IGSF10: variants seen among roughly 807,000 people sequenced by gnomAD.
IGSF10 encodes the protein immunoglobulin superfamily member 10.
A neutral mutation model predicts 128.2 loss-of-function variants in IGSF10; 126 were observed. The observed-to-expected ratio is 0.98, with a 90% CI of 0.85 to 1.14. The LOEUF is 1.14. Among genes scored for constraint, IGSF10 ranks in the 50% most tolerant of loss-of-function variants. The pLI is 0.00. For synonymous variants in IGSF10, 1,185 were observed against 1,146.2 expected, an observed-to-expected ratio of 1.03 and a Z score of -0.68; for missense variants, 3,295 against 3,149.8, an observed-to-expected ratio of 1.05 and a Z score of -1.10.
At chr3:151,616,756 A>G in the IGSF10 span, among the ~76,000 whole-genome samples, 2 of 152,246 alleles carry the variant, frequency 1.3e-5, no homozygotes. Context: ...GCATCTATGT[A>G]TCATCTATAG....
the IGSF10 span, among the ~76,000 whole-genome samples, chr3:151,485,674 A>G: frequency 3.9e-5 from 6 of 152,350 alleles, no homozygotes; most frequent in Middle Eastern, 3.4e-3. Context: ...AGAATTTTCA[A>G]CCCAGAATTT....
At chr3:151,500,422 TA>T in the IGSF10 span, among the ~76,000 whole-genome samples, 1 of 152,168 alleles carries the variant, frequency 6.6e-6, no homozygotes, top group African/African-American at 2.4e-5. Context: ...GGGGATATCT[TA>T]ATTTTATTTT....
chr3:151,460,913 C>A (rs1174317308), intron 1 of IGSF10, 33 bp downstream of exon 1: 15 of 985,148 alleles, frequency 1.5e-5, no homozygotes, highest in Non-Finnish European at 1.4e-5. Context: ...GGGTTCCAGC[C>A]CTTTCCGGGG....
At chr3:151,494,930 G>T in the IGSF10 span, among the ~76,000 whole-genome samples, 100 of 152,136 alleles carry the variant, frequency 6.6e-4, no homozygotes, top group African/African-American at 1.9e-3. Flanking sequence ...TCTGGGAAAG[G>T]CTTATTACTT....
chr3:151,516,434 T>A, the IGSF10 span, among the ~76,000 whole-genome samples: 1 of 152,060 alleles, frequency 6.6e-6, no homozygotes, highest in Non-Finnish European at 1.5e-5. Flanking sequence ...GGGGTATACT[T>A]TAACCTGTGA....
At chr3:151,589,566 G>A in the IGSF10 span, among the ~76,000 whole-genome samples, 642 of 152,274 alleles carry the variant, frequency 4.2e-3, 5 homozygotes, top group African/African-American at 0.014. Context: ...CTGTTCTTTG[G>A]CCACAGAAGA....
At chr3:151,492,853 C>T in the IGSF10 span, among the ~76,000 whole-genome samples, 1 of 151,974 alleles carries the variant, frequency 6.6e-6, no homozygotes, top group Non-Finnish European at 1.5e-5. Flanking sequence ...TTCACTGTAG[C>T]ATTATTTACA....
chr3:151,447,050 A>G lies in IGSF10; in HGVS notation c.2931T>C (p.Leu977=). 6.2e-7 allele frequency: 1 copy of G among 1,614,078 alleles called. No homozygotes were observed. The highest frequency in any genetic ancestry group is 1.1e-5 in the South Asian group (1 of 91,076). Reference sequence around the variant, plus strand: ...GATCTGAAGGGAACGTGGAGGTGCTAAGTATTTGAGTAGTGTGAGAATAGA... The same window carrying G: ...GATCTGAAGGGAACGTGGAGGTGCTGAGTATTTGAGTAGTGTGAGAATAGA... The part of the protein sequence containing the change: ...NHFYSHTTQI[L]STSTFPSDPH... Residue 977 remains leucine, a synonymous_variant, in exon 6 of 8, where the codon CTT becomes CTC. Transcript: ENST00000282466.
the IGSF10 span, among the ~76,000 whole-genome samples, chr3:151,583,742 G>A: frequency 6.6e-6 from 1 of 151,966 alleles, no homozygotes; most frequent in Non-Finnish European, 1.5e-5. Flanking sequence ...TAAATAATAA[G>A]TCTGCTTAAT....
At chr3:151,586,455 C>T in the IGSF10 span, among the ~76,000 whole-genome samples, 3 of 151,960 alleles carry the variant, frequency 2.0e-5, no homozygotes, top group Admixed American at 6.6e-5. Flanking sequence ...AATATCAATG[C>T]TTATCTGAGG....
chr3:151,491,257 T>A, the IGSF10 span, among the ~76,000 whole-genome samples: 1 of 152,132 alleles, frequency 6.6e-6, no homozygotes. Flanking sequence ...AGCAAATTGA[T>A]AAATTTCTAG....
At chr3:151,549,488 C>T in the IGSF10 span, among the ~76,000 whole-genome samples, 1 of 152,178 alleles carries the variant, frequency 6.6e-6, no homozygotes, top group African/African-American at 2.4e-5. Flanking sequence ...GTCTGATATC[C>T]TCAATTCCTA....
chr3:151,595,180 T>C, the IGSF10 span, among the ~76,000 whole-genome samples: 1 of 152,158 alleles, frequency 6.6e-6, no homozygotes. Flanking sequence ...TGTAAATTAG[T>C]ACGGACATTA....
At chr3:151,516,552 A>G in the IGSF10 span, among the ~76,000 whole-genome samples, 1 of 152,042 alleles carries the variant, frequency 6.6e-6, no homozygotes, top group Non-Finnish European at 1.5e-5. Context: ...TTGCCTCATA[A>G]TCAGTCAGAA....
the IGSF10 span, among the ~76,000 whole-genome samples, chr3:151,519,369 A>G: frequency 4.6e-5 from 7 of 151,916 alleles, no homozygotes; most frequent in South Asian, 1.5e-3. Flanking sequence ...TTTAACTGCA[A>G]TTTAAGACCA....
rs1389874906 is a variant in IGSF10 at position 151,443,262 on chromosome 3, G to T, written c.5685C>A (p.Phe1895Leu). 1.9e-6 allele frequency: 3 copies of T among 1,611,504 alleles called. No individual in the cohort carries two copies. Among genetic ancestry groups the T allele is most frequent in the East Asian group, 2.2e-5 (1 of 44,872 alleles). The part of the protein sequence containing the change: ...KPLQFTNSKL[F>L]LFSNGTLYIR... The stretch of plus-strand genomic sequence containing the variant: ...TATACAAAGTCCCATTTGAAAATAA[G>T]AACAACTTGGAATTGGTAAACTGTA... The change falls in exon 7 of 8, where the codon TTC (phenylalanine) becomes TTA (leucine). Residue 1895 changes from phenylalanine (F) to leucine (L), a missense_variant. Physicochemically the swap from Phe to Leu is conservative, Grantham distance 22. Transcript: ENST00000282466.
At chr3:151,535,248 T>G in the IGSF10 span, among the ~76,000 whole-genome samples, 1 of 152,194 alleles carries the variant, frequency 6.6e-6, no homozygotes, top group Non-Finnish European at 1.5e-5. Flanking sequence ...TTGAGGATAT[T>G]TGGCTGTAAT....
the IGSF10 span, among the ~76,000 whole-genome samples, chr3:151,552,277 C>A: frequency 6.6e-6 from 1 of 152,092 alleles, no homozygotes. Context: ...TCAATTAAAC[C>A]TCTTTTCTTC....
chr3:151,577,773 A>G, the IGSF10 span, among the ~76,000 whole-genome samples: 3 of 152,122 alleles, frequency 2.0e-5, no homozygotes, highest in Admixed American at 2.0e-4. Context: ...GAGTTGAGTT[A>G]ATAAGGGCAA....
Sources: gnomAD v4.1 joint callset for allele counts (sites outside exome capture counted in the v4.1 genomes callset) on GRCh38, gnomAD v4.1.1 for gene constraint, MANE v1.5 for transcripts, NCBI Gene and HGNC (gene_info 2026-07-23, HGNC 2026-07-21) for gene names.